The following YME1L1 variants were observed in gnomAD, a reference collection of about 807,000 sequenced individuals.
YME1L1 encodes the protein ATP-dependent zinc metalloprotease YME1L1.
A neutral mutation model predicts 90.4 loss-of-function variants in YME1L1; 39 were observed. The ratio of observed to expected loss-of-function variants is 0.43; its 90% CI spans 0.33 to 0.56. The LOEUF is 0.56. Among genes scored for constraint, YME1L1 ranks in the 20% least tolerant of loss-of-function variants. The pLI is 0.03. For missense variants in YME1L1, 617 were observed against 868.4 expected, an observed-to-expected ratio of 0.71 and a Z score of 3.64; for synonymous variants, 284 against 287.3, an observed-to-expected ratio of 0.99 and a Z score of 0.12.
At chr10:27,116,483 A>G (rs930943798) in intron 15 of YME1L1, 138 bp from the exon 16 acceptor site, 3 of 852,208 alleles carry the variant, frequency 3.5e-6, no homozygotes, top group Non-Finnish European at 3.5e-6. Context: ...CCTGACCAAC[A>G]TGGAGAAATC....
chr10:27,141,753 T>C (rs908198923), intron 4 of YME1L1, among the ~76,000 whole-genome samples: 1 of 152,100 alleles, frequency 6.6e-6, no homozygotes, highest in African/African-American at 2.4e-5. Context: ...GTTTATTCCA[T>C]CCCATCCCAG....
chr10:27,129,924 AC>A (rs35788755), intron 8 of YME1L1, among the ~76,000 whole-genome samples: 1 of 152,018 alleles, frequency 6.6e-6, no homozygotes. Context: ...AATTTCCACA[AC>A]CCCCCACCTA....
chr10:27,123,440 A>C, intron 10 of YME1L1, 107 bp downstream of exon 10: 1 of 1,349,236 alleles, frequency 7.4e-7, no homozygotes, highest in Non-Finnish European at 1.0e-6. Flanking sequence ...GCCCCAAAAA[A>C]TAGAAATTAA....
At chr10:27,141,406 A>G (rs2057085454) in intron 4 of YME1L1, among the ~76,000 whole-genome samples, 1 of 152,192 alleles carries the variant, frequency 6.6e-6, no homozygotes, top group African/African-American at 2.4e-5. Context: ...TACAGTCATC[A>G]GTATTGACTA....
chr10:27,115,962 G>T, intron 17 of YME1L1, 98 bp downstream of exon 17: 4 of 1,108,552 alleles, frequency 3.6e-6, no homozygotes, highest in East Asian at 4.7e-5. Flanking sequence ...TGGAGTGAGA[G>T]AAAAAGTGAA....
chr10:27,147,319 C>T lies in YME1L1; in HGVS notation c.168+1587G>A, dbSNP rs145970379. 5.9e-4 allele frequency: 637 copies of T among 1,083,372 alleles called. 3 individuals carry two copies. In the African/African-American group the frequency reaches 9.2e-3, roughly 16 times the overall value. The allele number at this position is 1,083,372 out of a possible 1,614,324, so 67.1% of individuals were successfully genotyped here. A position where few individuals can be genotyped will look rare whatever the true frequency, so the allele number is the denominator to read the frequency against. On this transcript the variant is annotated intron_variant, in intron 2 of 18. Coordinates refer to ENST00000376016, the MANE Select transcript of YME1L1 (RefSeq NM_014263.4). ...GATCAGCCTGGTGAAGAAAGCAAGA[C>T]CCTGTCTTTACAAAAAATTTAAAAA...
At chr10:27,118,432 C>G (rs10829189) in intron 14 of YME1L1, among the ~76,000 whole-genome samples, 11,496 of 152,144 alleles carry the variant, frequency 0.076, 643 homozygotes, top group African/African-American at 0.16. Context: ...CAGTCGCATG[C>G]CACCCCACCC....
At chr10:27,122,355 G>A (rs1021973295) in intron 11 of YME1L1, among the ~76,000 whole-genome samples, 1 of 152,100 alleles carries the variant, frequency 6.6e-6, no homozygotes, top group Non-Finnish European at 1.5e-5. Flanking sequence ...TTGCTCCTGG[G>A]CTTCCTATGT....
intron 1 of YME1L1, among the ~76,000 whole-genome samples, chr10:27,151,650 G>A (rs180677354): frequency 6.6e-6 from 1 of 151,968 alleles, no homozygotes; most frequent in Admixed American, 6.6e-5. Flanking sequence ...GGGAGGCCGA[G>A]GCGGACGGAT....
At chr10:27,128,785 T>C (rs992385551) in intron 8 of YME1L1, among the ~76,000 whole-genome samples, 4 of 151,856 alleles carry the variant, frequency 2.6e-5, no homozygotes, top group African/African-American at 9.7e-5. Flanking sequence ...GGCACACGCC[T>C]GTAGTCCTAG....
At chr10:27,145,611 C>A in intron 2 of YME1L1, 21 bp from the exon 3 acceptor site, 2 of 1,597,128 alleles carry the variant, frequency 1.3e-6, no homozygotes, top group South Asian at 1.1e-5. Context: ...TTGGGTCAAC[C>A]AGGTATGCAT....
intron 9 of YME1L1, among the ~76,000 whole-genome samples, chr10:27,124,343 T>C (rs1477323813): frequency 6.6e-6 from 1 of 152,172 alleles, no homozygotes; most frequent in Non-Finnish European, 1.5e-5. Flanking sequence ...TCTAAGTGGA[T>C]AGGATATGGA....
Position 27,134,021 on chromosome 10 carries a change from A to G in YME1L1, c.775+18T>C. 1.3e-6 allele frequency: 2 copies of G among 1,556,840 alleles called. No individual in the cohort carries two copies. Among genetic ancestry groups the G allele is most frequent in the Non-Finnish European group, 8.8e-7 (1 of 1,137,378 alleles). ...AAAGGAATAAGAAATAAGTTAGACA[A>G]ATAAAAAAAGCTTTTACCAGATAAA... On this transcript the variant is annotated intron_variant, in intron 7 of 18. Transcript: ENST00000376016.
chr10:27,136,127 T>C (rs1347452680), intron 5 of YME1L1, 149 bp downstream of exon 5: 16 of 671,156 alleles, frequency 2.4e-5, no homozygotes, highest in Non-Finnish European at 3.8e-5. Context: ...GAGTTAGAGG[T>C]ATAATGATTA....
At chr10:27,113,951 A>T (rs111293996) in intron 18 of YME1L1, among the ~76,000 whole-genome samples, 8,389 of 141,194 alleles carry the variant, frequency 0.059, 237 homozygotes, top group African/African-American at 0.086. Context: ...GAGACTCCAT[A>T]AAAAAAAAAA....
intron 1 of YME1L1, chr10:27,153,414 T>C (rs1486538685): frequency 3.0e-6 from 1 of 331,446 alleles, no homozygotes; most frequent in Non-Finnish European, 6.0e-6. Context: ...AAACTCAATG[T>C]TTTAAAAACT....
At chr10:27,145,028 C>A (rs1357276528) in intron 3 of YME1L1, among the ~76,000 whole-genome samples, 16 of 152,224 alleles carry the variant, frequency 1.1e-4, no homozygotes, top group Non-Finnish European at 1.6e-4. Flanking sequence ...GTAGTCCCAG[C>A]TACTTGGGAG....
intron 5 of YME1L1, among the ~76,000 whole-genome samples, 193 bp from the exon 6 acceptor site, chr10:27,135,174 CAATT>C (rs1460384222): frequency 1.3e-5 from 2 of 152,248 alleles, no homozygotes; most frequent in South Asian, 2.1e-4. Context: ...CTGCATCAAT[CAATT>C]AATAATATAA....
chr10:27,134,421 A>G lies in YME1L1; in HGVS notation c.692-299T>C, dbSNP rs143714240. The stretch of plus-strand genomic sequence containing the variant: ...CAACAGGGCAAGATTCCATCTCCAC[A>G]AAAATTAGCTGGGCGTGGTGGCACA... On this transcript the variant is annotated intron_variant, in intron 6 of 18. Coordinates refer to ENST00000376016, the MANE Select transcript of YME1L1 (RefSeq NM_014263.4). Among the ~76,000 whole-genome samples, 422 of 152,268 alleles carry G rather than the reference A, an allele frequency of 2.8e-3. 1 individual carries two copies. The highest frequency in any genetic ancestry group is 9.6e-3 in the African/African-American group (397 of 41,542).
Sources: gnomAD v4.1 joint callset for allele counts (sites outside exome capture counted in the v4.1 genomes callset) on GRCh38, gnomAD v4.1.1 for gene constraint, MANE v1.5 for transcripts, NCBI Gene and HGNC (gene_info 2026-07-23, HGNC 2026-07-21) for gene names.